LMTK2: variants seen among roughly 807,000 people sequenced by gnomAD.
LMTK2 encodes serine/threonine-protein kinase LMTK2.
In LMTK2, 37 loss-of-function variants were observed where a neutral mutation model predicts 127.5. The ratio of observed to expected loss-of-function variants is 0.29; its 90% CI spans 0.22 to 0.38. The LOEUF is 0.38. Among genes scored for constraint, LMTK2 ranks in the 10% least tolerant of loss-of-function variants. The pLI is 1.00. For synonymous variants in LMTK2, 819 were observed against 810.1 expected, an observed-to-expected ratio of 1.01 and a Z score of -0.19; for missense variants, 1,694 against 1,920.3, an observed-to-expected ratio of 0.88 and a Z score of 2.20.
chr7:98,192,925 C>G lies in LMTK2; in HGVS notation c.2460C>G (p.Phe820Leu). Reference sequence around the variant, plus strand: ...AAGTGCAGGTACCTCCTACCTCCTTCGAAACAGAAGAAACGCCCCGTCGGG... The same window carrying G: ...AAGTGCAGGTACCTCCTACCTCCTTGGAAACAGAAGAAACGCCCCGTCGGG... The part of the protein sequence containing the change: ...SPEVQVPPTS[F>L]ETEETPRRVP... The change falls in exon 11 of 14, where the codon TTC (phenylalanine) becomes TTG (leucine). Residue 820 changes from phenylalanine to leucine, a missense_variant. Physicochemically the swap from Phe to Leu is conservative, Grantham distance 22 (BLOSUM62 0). Transcript: ENST00000297293. The G allele has an allele frequency of 1.2e-6, 2 of 1,614,106 alleles. No homozygotes were observed. The highest frequency in any genetic ancestry group is 1.3e-5 in the African/African-American group (1 of 75,036).
In LMTK2 at chr7:98,191,661, C is replaced by T. The variant is rs200541325; in HGVS notation, c.1196C>T (p.Ala399Val). ...TGGCTGTCACCAGAAAAGAGACCCG[C>T]GGCTGAAGATGTGCACAGGCTGCTG... ...FCWLSPEKRP[A>V]AEDVHRLLTY... The change falls in exon 11 of 14, where the codon GCG becomes GTG. Residue 399 changes from alanine to valine, a missense_variant. Physicochemically the swap from Ala to Val is moderately conservative, Grantham distance 64. This residue lies in a region of LMTK2 where 216 missense variants were observed against 266.8 expected (regional missense o/e 0.81). Coordinates refer to ENST00000297293, the MANE Select transcript of LMTK2 (RefSeq NM_014916.4). The T allele has an allele frequency of 5.6e-5, 91 of 1,613,144 alleles. No individual in the cohort carries two copies. The highest frequency in any genetic ancestry group is 3.7e-4 in the African/African-American group (28 of 74,986).
chr7:98,134,060 A>G (rs1432676770), intron 1 of LMTK2, among the ~76,000 whole-genome samples: 1 of 152,208 alleles, frequency 6.6e-6, no homozygotes, highest in Non-Finnish European at 1.5e-5. Context: ...ATAGAGGCAG[A>G]GCAGTGGGGT....
intron 13 of LMTK2, among the ~76,000 whole-genome samples, chr7:98,205,207 G>A (rs939576732): frequency 6.6e-6 from 1 of 152,228 alleles, no homozygotes; most frequent in Non-Finnish European, 1.5e-5. Context: ...AGTCTGTCGG[G>A]GCAGATGTGT....
intron 6 of LMTK2, among the ~76,000 whole-genome samples, chr7:98,169,792 A>T (rs947118471): frequency 6.6e-6 from 1 of 151,934 alleles, no homozygotes. Flanking sequence ...ATGGAGGGGC[A>T]TATGTTTTTA....
Position 98,116,420 on chromosome 7 carries a change from TTGTGCGTGTGTG to T in LMTK2, c.103+9145_103+9156del, listed in dbSNP as rs376130242. 6.7e-3 allele frequency among the ~76,000 whole-genome samples: 997 copies of T among 149,866 alleles called. 15 individuals carry two copies. The highest frequency in any genetic ancestry group is 0.023 in the African/African-American group (944 of 41,154). ...TGTGTGTGTGTGCATGTGCGTGTGTTTGTGCGTGTGTGTGTGTGTTTGTGTCCGCGTGTGTGT... is the reference window on the plus strand; with the variant it reads ...TGTGTGTGTGTGCATGTGCGTGTGTTTGTGTGTTTGTGTCCGCGTGTGTGT... On this transcript the variant is annotated intron_variant, in intron 1 of 13. Coordinates refer to ENST00000297293, the MANE Select transcript of LMTK2 (RefSeq NM_014916.4).
rs1797603618 is a variant in LMTK2, at chr7:98,194,903, C to T, written c.4107+331C>T. 6.6e-6 allele frequency among the ~76,000 whole-genome samples: 1 copy of T among 152,112 alleles called. No individual in the cohort carries two copies. The highest frequency in any genetic ancestry group is 6.6e-5 in the Admixed American group (1 of 15,262). On this transcript the variant is annotated intron_variant, in intron 11 of 13. Coordinates refer to ENST00000297293, the MANE Select transcript of LMTK2 (RefSeq NM_014916.4). The surrounding 1 kb of genome is among the most constrained non-coding windows in gnomAD (Gnocchi z 5.4). ...TTTGAGACAGCCTTGCTCTGTGGCC[C>T]AGGCTGGAATGCAGTGGTACAGTTG...
At chr7:98,191,476 C>T (rs369645834) in intron 10 of LMTK2, 138 bp from the exon 11 acceptor site, 5 of 654,552 alleles carry the variant, frequency 7.6e-6, no homozygotes, top group African/African-American at 3.7e-5. Context: ...TGCTTGAACC[C>T]AGGAGGCAGA....
intron 11 of LMTK2, among the ~76,000 whole-genome samples, chr7:98,198,644 C>G (rs1797666209): frequency 6.6e-6 from 1 of 152,186 alleles, no homozygotes. Flanking sequence ...GCGCCCACCA[C>G]CGTGCCTGGC....
At chr7:98,151,164 T>C (rs1796847395) in intron 3 of LMTK2, among the ~76,000 whole-genome samples, 1 of 152,038 alleles carries the variant, frequency 6.6e-6, no homozygotes, top group Non-Finnish European at 1.5e-5. Flanking sequence ...AAAAAAACAA[T>C]GCGCAAGGTA....
intron 10 of LMTK2, 42 bp from the exon 11 acceptor site, chr7:98,191,572 A>G: frequency 6.7e-7 from 1 of 1,486,234 alleles, no homozygotes; most frequent in South Asian, 1.3e-5. Context: ...AAAAAAAAAA[A>G]TTCGTGATGG....
chr7:98,172,136 G>A (rs901537825), intron 7 of LMTK2, among the ~76,000 whole-genome samples: 8 of 152,170 alleles, frequency 5.3e-5, no homozygotes, highest in Admixed American at 3.3e-4. Context: ...GCCAGCTGAA[G>A]GGTGGGCTTC....
chr7:98,193,371 C>T lies in LMTK2; in HGVS notation c.2906C>T (p.Ser969Phe). ...AKEAGLVSAL[S>F]SDSTSQDSLL... ...GAAGCAGGCTTGGTGTCTGCCCTCTCCTCGGACTCAACCAGTCAGGACAGC... is the reference window on the plus strand; with the variant it reads ...GAAGCAGGCTTGGTGTCTGCCCTCTTCTCGGACTCAACCAGTCAGGACAGC... The change falls in exon 11 of 14, where the codon TCC (serine) becomes TTC (phenylalanine). Residue 969 changes from serine (S) to phenylalanine (F), a missense_variant. By Grantham distance (155) the Ser-to-Phe change is radical. Transcript: ENST00000297293. This position sits in a 1 kb window ranked among gnomAD's most constrained non-coding sequence, Gnocchi z 4.1. 1.2e-6 allele frequency: 2 copies of T among 1,614,224 alleles called. No individual in the cohort carries two copies. Among genetic ancestry groups the T allele is most frequent in the Non-Finnish European group, 1.7e-6 (2 of 1,180,044 alleles).
rs774448828 is a variant in LMTK2 at position 98,107,281 on chromosome 7, G to A, written c.103+1G>A. 35 of 1,374,388 alleles carry A rather than the reference G, an allele frequency of 2.5e-5. No homozygotes were observed. The African/African-American group carries it at 5.0e-4, about 20-fold the overall frequency. 85.1% of individuals were successfully genotyped at this position (1,374,388 alleles called of 1,614,324 possible). A position where few individuals can be genotyped will look rare whatever the true frequency, so the allele number is the denominator to read the frequency against. On this transcript the variant is annotated splice_donor_variant, in intron 1 of 13. Transcript: ENST00000297293. LOFTEE classifies it high-confidence loss of function. ...GCGCCACTTCCGCAAACAGGTGCAG[G>A]TGAGCGGGCCCGCGGCGGGGACGGG...
At chr7:98,173,790 C>G (rs1437690773) in intron 7 of LMTK2, among the ~76,000 whole-genome samples, 3 of 152,204 alleles carry the variant, frequency 2.0e-5, no homozygotes, top group Middle Eastern at 3.2e-3. Context: ...GGCACGGTGG[C>G]TCATGCCTGT....
chr7:98,120,904 G>A (rs901950671), intron 1 of LMTK2, among the ~76,000 whole-genome samples: 40 of 152,130 alleles, frequency 2.6e-4, no homozygotes, highest in African/African-American at 9.4e-4. Context: ...AGTACAATTC[G>A]GGAATCTGTC....
At chr7:98,113,840 G>A (rs1796238253) in intron 1 of LMTK2, among the ~76,000 whole-genome samples, 1 of 152,068 alleles carries the variant, frequency 6.6e-6, no homozygotes, top group African/African-American at 2.4e-5. Flanking sequence ...TTTTAAAATT[G>A]TAGCAAGTGG....
At chr7:98,186,008 G>A (rs983309262) in intron 8 of LMTK2, among the ~76,000 whole-genome samples, 21 of 151,794 alleles carry the variant, frequency 1.4e-4, no homozygotes, top group Admixed American at 1.1e-3. Flanking sequence ...CTAGTGTCTC[G>A]AGCACTTGCT....
intron 1 of LMTK2, among the ~76,000 whole-genome samples, chr7:98,121,694 C>A (rs932223982): frequency 1.3e-5 from 2 of 150,692 alleles, no homozygotes; most frequent in African/African-American, 4.9e-5. Context: ...TGAAAAAAAT[C>A]ACATTCATAT....
chr7:98,145,277 TA>T (rs5886052), intron 3 of LMTK2, among the ~76,000 whole-genome samples: 143,396 of 147,438 alleles, frequency 0.97, 69,714 homozygotes, highest in South Asian at 0.99. Flanking sequence ...AATGGTACAC[TA>T]AAAAAAAAAA....
Sources: gnomAD v4.1 joint callset for allele counts (sites outside exome capture counted in the v4.1 genomes callset) on GRCh38, gnomAD v4.1.1 for gene constraint, gnomAD v4.1.1 regional missense constraint, Gnocchi (gnomAD v3.1) non-coding constraint, MANE v1.5 for transcripts, NCBI Gene and HGNC (gene_info 2026-07-23, HGNC 2026-07-21) for gene names.